Variants in ATP1B3 observed in about 807,000 individuals in gnomAD.
ATP1B3 encodes sodium/potassium-transporting ATPase subunit beta-3.
In ATP1B3, 10 loss-of-function variants were observed where a neutral mutation model predicts 30.2. That is an observed-to-expected ratio of 0.33 (90% CI 0.20 to 0.56). The LOEUF (loss-of-function observed/expected upper bound fraction) is 0.56, where lower values mean the gene tolerates loss of function less well. Ranked by LOEUF, ATP1B3 falls within the 20% of genes least tolerant of loss-of-function variation. The probability of loss-of-function intolerance (pLI) is 0.90; values close to 1 mark genes in which losing one functional copy is unlikely to be tolerated. For missense variants in ATP1B3, 238 were observed against 336.7 expected, an observed-to-expected ratio of 0.71 and a Z score of 2.29; for synonymous variants, 113 against 117.0, an observed-to-expected ratio of 0.97 and a Z score of 0.22.
intron 3 of ATP1B3, among the ~76,000 whole-genome samples, chr3:141,909,283 C>G (rs6782993): frequency 0.23 from 35,408 of 152,106 alleles, 4,288 homozygotes; most frequent in African/African-American, 0.27. Context: ...AGCAGAAGTC[C>G]TATTAATTTA....
chr3:141,917,057 G>T (rs1934477693), intron 5 of ATP1B3, among the ~76,000 whole-genome samples: 1 of 140,616 alleles, frequency 7.1e-6, no homozygotes, highest in African/African-American at 2.7e-5. Context: ...GTTTCATCAT[G>T]TTAGCCAGGA....
At chr3:141,917,958 C>T (rs1367931744) in intron 5 of ATP1B3, among the ~76,000 whole-genome samples, 3 of 151,578 alleles carry the variant, frequency 2.0e-5, no homozygotes, top group South Asian at 2.1e-4. Context: ...TTAGTAGAGA[C>T]GGGGTTTCAC....
At position 141,876,665 on chromosome 3, in the gene ATP1B3, A is replaced by C. The variant is rs1380793748; in HGVS notation, c.-137A>C. The C allele has an allele frequency of 1.9e-6, 1 of 540,502 alleles. No homozygotes were observed. The highest frequency in any genetic ancestry group is 3.2e-6 in the Non-Finnish European group (1 of 315,030). 33.5% of individuals were successfully genotyped at this position (540,502 alleles called of 1,614,324 possible). A position where few individuals can be genotyped will look rare whatever the true frequency, so the allele number is the denominator to read the frequency against. On this transcript the variant is annotated 5_prime_UTR_variant, in exon 1 of 7. Transcript: ENST00000286371. ...CGCAGTCGGCTCGAGTACTCCCCGT[A>C]ACGAGGAGGTGTTCTCGGCCGTCCC...
chr3:141,904,379 A>G (rs779687533), intron 2 of ATP1B3, among the ~76,000 whole-genome samples: 7 of 151,836 alleles, frequency 4.6e-5, no homozygotes, highest in Non-Finnish European at 7.4e-5. Context: ...GAATATAGTT[A>G]TAGTTATGAG....
At chr3:141,919,215 ATTG>A (rs1934522369) in intron 5 of ATP1B3, among the ~76,000 whole-genome samples, 1 of 149,918 alleles carries the variant, frequency 6.7e-6, no homozygotes, top group African/African-American at 2.4e-5. Flanking sequence ...TTCTGCCTTG[ATTG>A]TTTTTATACA....
At chr3:141,889,307 ATATT>A (rs1344916698) in intron 1 of ATP1B3, among the ~76,000 whole-genome samples, 3 of 152,138 alleles carry the variant, frequency 2.0e-5, no homozygotes, top group East Asian at 3.9e-4. Context: ...TAGAATATAT[ATATT>A]TCTTTCTGAT....
chr3:141,900,026 G>A (rs887926945), intron 1 of ATP1B3, among the ~76,000 whole-genome samples: 7 of 151,850 alleles, frequency 4.6e-5, no homozygotes. Flanking sequence ...GAAAGACCCT[G>A]TCTCAAAAAA....
rs536373748 is a variant in ATP1B3 at position 141,917,359 on chromosome 3, T to G, written c.582+1339T>G. Among the ~76,000 whole-genome samples, 10 of 152,232 alleles carry G rather than the reference T, an allele frequency of 6.6e-5. No individual in the cohort carries two copies. In the South Asian group the frequency reaches 2.1e-3, roughly 32 times the overall value. On this transcript the variant is annotated intron_variant, in intron 5 of 6. Transcript: ENST00000286371. ...GTGTGTGACCACTGGCAATTCACTT[T>G]ACCTCCTTGTGCCACAGACAGCTCA... is the stretch of plus-strand genomic sequence containing the variant.
intron 1 of ATP1B3, among the ~76,000 whole-genome samples, chr3:141,888,031 G>A (rs919628615): frequency 1.3e-5 from 2 of 152,202 alleles, no homozygotes; most frequent in African/African-American, 4.8e-5. Context: ...TGGTATATTG[G>A]AGATTTGTGT....
intron 6 of ATP1B3, among the ~76,000 whole-genome samples, chr3:141,922,343 G>A (rs1934577258): frequency 6.6e-6 from 1 of 152,132 alleles, no homozygotes; most frequent in African/African-American, 2.4e-5. Context: ...TGTAGAGAAA[G>A]TAGAAAAGTA....
intron 3 of ATP1B3, 28 bp from the exon 4 acceptor site, chr3:141,913,624 C>T: frequency 1.2e-5 from 19 of 1,577,482 alleles, no homozygotes; most frequent in Non-Finnish European, 1.6e-5. Context: ...TTTGGCTGAT[C>T]TAGCACACAT....
intron 5 of ATP1B3, among the ~76,000 whole-genome samples, chr3:141,919,508 T>TCTTATGAAAATGAATCATA (rs1934528333): frequency 6.6e-6 from 1 of 152,234 alleles, no homozygotes. Flanking sequence ...TGTTTTATTT[T>TCTTATGAAAATGAATCATA]CTTATGAAAA....
chr3:141,889,745 A>AT lies in ATP1B3; in HGVS notation c.109+12835_109+12836insT, dbSNP rs1450255903. Among the ~76,000 whole-genome samples, 204 of 103,338 alleles carry AT rather than the reference A, an allele frequency of 2.0e-3. 2 individuals are homozygous for AT. The highest frequency in any genetic ancestry group is 4.3e-3 in the Middle Eastern group (1 of 232). 67.8% of individuals were successfully genotyped at this position (103,338 alleles called of 152,430 possible). A position where few individuals can be genotyped will look rare whatever the true frequency, so the allele number is the denominator to read the frequency against. ...CTCCGTCTCAAAAAAAAAAAAAAAA[A>AT]AAAAAATATATACACACACACACAC... On this transcript the variant is annotated intron_variant, in intron 1 of 6. Transcript: ENST00000286371.
chr3:141,917,771 A>T (rs866282025), intron 5 of ATP1B3, among the ~76,000 whole-genome samples: 18 of 141,038 alleles, frequency 1.3e-4, no homozygotes, highest in South Asian at 6.8e-4. Flanking sequence ...ATTTTATTTT[A>T]TTTTTTTTTT....
chr3:141,900,362 G>A (rs1934140521), intron 1 of ATP1B3, among the ~76,000 whole-genome samples: 2 of 152,290 alleles, frequency 1.3e-5, no homozygotes, highest in Non-Finnish European at 2.9e-5. Flanking sequence ...CAGTGGAGCT[G>A]CCAGGTTAGG....
At chr3:141,920,542 G>T (rs1409046051) in intron 5 of ATP1B3, among the ~76,000 whole-genome samples, 1 of 150,030 alleles carries the variant, frequency 6.7e-6, no homozygotes, top group Admixed American at 6.6e-5. Flanking sequence ...AAAGAAAAAA[G>T]AAAAAAGAAA....
intron 1 of ATP1B3, among the ~76,000 whole-genome samples, chr3:141,885,049 T>A (rs1256992813): frequency 6.6e-6 from 1 of 152,206 alleles, no homozygotes; most frequent in Non-Finnish European, 1.5e-5. Flanking sequence ...GATAACGTCA[T>A]CTGGTAAATA....
chr3:141,881,324 C>G (rs1933722437), intron 1 of ATP1B3, among the ~76,000 whole-genome samples: 1 of 152,124 alleles, frequency 6.6e-6, no homozygotes, highest in Non-Finnish European at 1.5e-5. Context: ...TCAGTAAATG[C>G]TTTGTATTAA....
intron 1 of ATP1B3, among the ~76,000 whole-genome samples, chr3:141,883,304 A>G (rs1219600064): frequency 3.3e-5 from 5 of 152,330 alleles, no homozygotes; most frequent in South Asian, 2.1e-4. Context: ...CCTGGGCAAC[A>G]TGGTGAAACC....
Sources: allele counts gnomAD v4.1 joint callset (sites outside exome capture counted in the v4.1 genomes callset), GRCh38; gene constraint gnomAD v4.1.1; transcripts MANE v1.5; gene names NCBI Gene and HGNC (gene_info 2026-07-23, HGNC 2026-07-21).